ANK2: variants seen among roughly 807,000 people sequenced by gnomAD.
The protein encoded by ANK2 is ankyrin 2.
Under a neutral mutation model 360.5 loss-of-function variants are expected in ANK2, and 83 were observed. The observed-to-expected ratio is 0.23, with a 90% CI of 0.19 to 0.28. The LOEUF (loss-of-function observed/expected upper bound fraction) is 0.28. ANK2 is among the 10% of genes least tolerant of loss of function. The pLI, the probability that ANK2 is intolerant of heterozygous loss-of-function variation, is 1.00. For synonymous variants in ANK2, 1,740 were observed against 1,759.5 expected, an observed-to-expected ratio of 0.99 and a Z score of 0.28; for missense variants, 4,201 against 4,795.7, an observed-to-expected ratio of 0.88 and a Z score of 3.66.
At chr4:113,275,764 T>A (rs920165360) in intron 15 of ANK2, among the ~76,000 whole-genome samples, 11 of 151,740 alleles carry the variant, frequency 7.2e-5, no homozygotes, top group African/African-American at 2.7e-4. Flanking sequence ...CCTGAGAGAT[T>A]TGGTGATTGT....
In ANK2 at chr4:113,132,336, G is replaced by A. The variant is rs186801088; in HGVS notation, c.85-42080G>A. Among the ~76,000 whole-genome samples the A allele has an allele frequency of 1.7e-4, 26 of 151,842 alleles. 1 individual carries two copies. The highest frequency in any genetic ancestry group is 1.5e-3 in the Admixed American group (23 of 15,250). ...TCTCTCCCTTCACTTTTTTCTCCTG[G>A]AGTTTTCAACATATTGAAGTTACAG... On this transcript the variant is annotated intron_variant, in intron 1 of 45. Coordinates refer to ENST00000357077, the MANE Select transcript of ANK2 (RefSeq NM_001148.6).
At chr4:112,938,515 T>C (rs2093944981) in intron 2 of ANK2, among the ~76,000 whole-genome samples, 1 of 151,932 alleles carries the variant, frequency 6.6e-6, no homozygotes, top group South Asian at 2.1e-4. Context: ...TTCTGTATAT[T>C]TTTTGTTTTC....
chr4:113,331,218 G>A (rs1188687141), intron 27 of ANK2, among the ~76,000 whole-genome samples: 1 of 152,118 alleles, frequency 6.6e-6, no homozygotes, highest in African/African-American at 2.4e-5. Context: ...CAAATCAATT[G>A]TATTTAAGTC....
intron 1 of ANK2, among the ~76,000 whole-genome samples, chr4:113,112,873 C>T (rs1415177225): frequency 6.6e-6 from 1 of 152,162 alleles, no homozygotes; most frequent in African/African-American, 2.4e-5. Context: ...ATCCTTTGGG[C>T]ATTCTCATTT....
intron 4 of ANK2, among the ~76,000 whole-genome samples, chr4:113,215,655 T>C (rs1228720522): frequency 6.6e-6 from 1 of 152,108 alleles, no homozygotes; most frequent in East Asian, 1.9e-4. Flanking sequence ...AGAAAAAGCA[T>C]TTGCTACAAA....
At chr4:113,237,865 CTCTT>C (rs1188809880) in intron 7 of ANK2, among the ~76,000 whole-genome samples, 13 of 152,150 alleles carry the variant, frequency 8.5e-5, no homozygotes, top group Non-Finnish European at 2.9e-5. Flanking sequence ...TGAAATGAAA[CTCTT>C]TCTTAACATA....
intron 2 of ANK2, among the ~76,000 whole-genome samples, chr4:112,941,483 A>G (rs1464482873): frequency 7.0e-6 from 1 of 143,696 alleles, no homozygotes; most frequent in African/African-American, 2.5e-5. Context: ...ATAGATATAT[A>G]AATAAAGGTA....
In ANK2 at chr4:113,359,178, A is replaced by G. The variant is rs762902378; in HGVS notation, c.10560A>G (p.Pro3520=). The G allele has an allele frequency of 1.2e-6, 2 of 1,613,242 alleles. No individual in the cohort carries two copies. Among genetic ancestry groups the G allele is most frequent in the Non-Finnish European group, 8.5e-7 (1 of 1,179,318 alleles). Residue 3520 remains proline (P), a synonymous_variant, in exon 38 of 46, where the codon CCA becomes CCG. Transcript: ENST00000357077. ...ALEVSVIENL[P]PVETEHSVPE... The stretch of plus-strand genomic sequence containing the variant: ...AAGTATCAGTAATTGAAAATCTGCC[A>G]CCTGTTGAGACCGAGCACTCAGTTC...
chr4:112,788,404 G>A, the ANK2 span: 4 of 1,591,008 alleles, frequency 2.5e-6, no homozygotes, highest in Non-Finnish European at 3.4e-6. Context: ...TGGGATCCAC[G>A]TCGGGTGCAA....
chr4:113,241,091 T>C (rs2039587225), intron 8 of ANK2, among the ~76,000 whole-genome samples: 2 of 152,152 alleles, frequency 1.3e-5, no homozygotes, highest in African/African-American at 4.8e-5. Context: ...TTCACTTACA[T>C]GATAATGGTA....
At chr4:113,324,600 T>A (rs2088653320) in intron 26 of ANK2, among the ~76,000 whole-genome samples, 1 of 152,204 alleles carries the variant, frequency 6.6e-6, no homozygotes, top group African/African-American at 2.4e-5. Context: ...TTGGTGATTT[T>A]AAAAAATTTG....
At chr4:112,883,860 A>ATATATATATGTATATATATG (rs200371176) in intron 1 of ANK2, among the ~76,000 whole-genome samples, 20 of 148,952 alleles carry the variant, frequency 1.3e-4, no homozygotes, top group Admixed American at 9.4e-4. Context: ...TCATTCATTC[A>ATATATATATGTATATATATG]TATATATATG....
the ANK2 span, among the ~76,000 whole-genome samples, chr4:112,716,862 C>G: frequency 6.6e-6 from 1 of 152,184 alleles, no homozygotes; most frequent in Admixed American, 6.5e-5. Context: ...AAACAAAACA[C>G]TGCAACCCCC....
At chr4:113,144,258 C>T (rs764122912) in intron 1 of ANK2, among the ~76,000 whole-genome samples, 1 of 152,026 alleles carries the variant, frequency 6.6e-6, no homozygotes, top group Non-Finnish European at 1.5e-5. Context: ...GGCTCATAAA[C>T]GCTGGAATGA....
chr4:112,997,447 C>T (rs2048963999), intron 2 of ANK2, among the ~76,000 whole-genome samples: 1 of 152,102 alleles, frequency 6.6e-6, no homozygotes, highest in African/African-American at 2.4e-5. Flanking sequence ...ATGCAATATG[C>T]TTAACAGATA....
intron 1 of ANK2, among the ~76,000 whole-genome samples, chr4:113,093,939 C>T (rs2089808484): frequency 6.6e-6 from 1 of 152,172 alleles, no homozygotes; most frequent in African/African-American, 2.4e-5. Flanking sequence ...CTCATTGTAA[C>T]TCTTCTTTGC....
At chr4:112,976,588 T>C (rs2041505521) in intron 2 of ANK2, among the ~76,000 whole-genome samples, 1 of 152,168 alleles carries the variant, frequency 6.6e-6, no homozygotes, top group Admixed American at 6.5e-5. Flanking sequence ...CAGTAGTGTA[T>C]GAGAACTGCT....
intron 1 of ANK2, among the ~76,000 whole-genome samples, chr4:113,159,812 G>A (rs2097451080): frequency 6.6e-6 from 1 of 151,706 alleles, no homozygotes; most frequent in African/African-American, 2.4e-5. Context: ...AGTAGAGATG[G>A]GGTTTCACTA....
At chr4:113,248,284 G>A (rs1247099705) in intron 9 of ANK2, among the ~76,000 whole-genome samples, 1 of 152,076 alleles carries the variant, frequency 6.6e-6, no homozygotes, top group African/African-American at 2.4e-5. Flanking sequence ...AGGGACAAGG[G>A]ACAGTGTAGA....
Sources: gnomAD v4.1 joint callset for allele counts (sites outside exome capture counted in the v4.1 genomes callset) on GRCh38, gnomAD v4.1.1 for gene constraint, MANE v1.5 for transcripts, NCBI Gene and HGNC (gene_info 2026-07-23, HGNC 2026-07-21) for gene names.